The following MDGA2 variants were observed in gnomAD, a reference collection of about 807,000 sequenced individuals.
MDGA2 encodes MAM domain containing glycosylphosphatidylinositol anchor 2.
Under a neutral mutation model 117.8 loss-of-function variants are expected in MDGA2, and 40 were observed. That is an observed-to-expected ratio of 0.34 (90% CI 0.26 to 0.44). The LOEUF is 0.44. Among genes scored for constraint, MDGA2 ranks in the 20% least tolerant of loss-of-function variants. The probability of loss-of-function intolerance (pLI) is 1.00; values close to 1 mark genes in which losing one functional copy is unlikely to be tolerated. For synonymous variants in MDGA2, 452 were observed against 439.0 expected, an observed-to-expected ratio of 1.03 and a Z score of -0.37; for missense variants, 1,123 against 1,250.6, an observed-to-expected ratio of 0.90 and a Z score of 1.54.
chr14:46,947,637 C>G (rs898297271), intron 9 of MDGA2, among the ~76,000 whole-genome samples: 9 of 151,972 alleles, frequency 5.9e-5, no homozygotes, highest in Non-Finnish European at 1.3e-4. Context: ...CACAAGCTCC[C>G]TCTCTCTCTT....
chr14:47,411,064 T>A (rs1265610830), intron 1 of MDGA2, among the ~76,000 whole-genome samples: 1 of 152,120 alleles, frequency 6.6e-6, no homozygotes, highest in Non-Finnish European at 1.5e-5. Flanking sequence ...TTAATCTGTT[T>A]CCTATAGACA....
At chr14:46,916,082 G>A (rs2138497624) in intron 10 of MDGA2, among the ~76,000 whole-genome samples, 1 of 152,284 alleles carries the variant, frequency 6.6e-6, no homozygotes, top group East Asian at 1.9e-4. Context: ...ACTGGTCTGT[G>A]GTGGGACCCA....
At chr14:47,046,086 T>C (rs1889253769) in intron 7 of MDGA2, among the ~76,000 whole-genome samples, 1 of 151,308 alleles carries the variant, frequency 6.6e-6, no homozygotes, top group Non-Finnish European at 1.5e-5. Context: ...CACACCAACA[T>C]GGCACATGTA....
At chr14:47,547,307 T>C (rs537852790) in intron 1 of MDGA2, among the ~76,000 whole-genome samples, 66 of 152,322 alleles carry the variant, frequency 4.3e-4, no homozygotes, top group Non-Finnish European at 7.1e-4. Flanking sequence ...CATGCATTCA[T>C]TACAGGCTTT....
At chr14:47,504,350 C>T (rs1594890395) in intron 1 of MDGA2, among the ~76,000 whole-genome samples, 1 of 152,056 alleles carries the variant, frequency 6.6e-6, no homozygotes, top group African/African-American at 2.4e-5. Context: ...CTATAGGTGA[C>T]CAGTTTTGAT....
intron 3 of MDGA2, among the ~76,000 whole-genome samples, chr14:47,189,412 G>A (rs1006687430): frequency 2.6e-5 from 4 of 151,942 alleles, no homozygotes; most frequent in African/African-American, 7.3e-5. Flanking sequence ...CCACAGCCAC[G>A]GAATATAGTA....
chr14:46,913,324 T>G (rs1883776792), intron 10 of MDGA2, among the ~76,000 whole-genome samples: 1 of 152,150 alleles, frequency 6.6e-6, no homozygotes, highest in Admixed American at 6.5e-5. Context: ...GTCATTTTAT[T>G]CATGATTTAA....
chr14:47,045,656 AC>A (rs1463338477), intron 7 of MDGA2, among the ~76,000 whole-genome samples: 1 of 152,080 alleles, frequency 6.6e-6, no homozygotes, highest in African/African-American at 2.4e-5. Flanking sequence ...CAAAAGAAAC[AC>A]TGGATTTGCT....
chr14:47,138,590 T>C lies in MDGA2; in HGVS notation c.792+5488A>G, dbSNP rs555468783. ...AAAGAAATAAAAGGAAGACATACAA[T>C]GTATATTAGTTAGTGGCCCTTACCA... On this transcript the variant is annotated intron_variant, in intron 4 of 16. Coordinates refer to ENST00000399232, the MANE Select transcript of MDGA2 (RefSeq NM_001113498.3). 7.2e-5 allele frequency among the ~76,000 whole-genome samples: 11 copies of C among 152,200 alleles called. No individual in the cohort carries two copies. The South Asian group carries it at 2.1e-3, about 29-fold the overall frequency.
At chr14:47,078,685 G>A (rs1251409694) in intron 6 of MDGA2, among the ~76,000 whole-genome samples, 1 of 151,968 alleles carries the variant, frequency 6.6e-6, no homozygotes, top group Non-Finnish European at 1.5e-5. Flanking sequence ...TAAACTTTTG[G>A]AAAGAAAATG....
At chr14:47,219,505 C>A (rs1330990492) in intron 2 of MDGA2, among the ~76,000 whole-genome samples, 1 of 151,920 alleles carries the variant, frequency 6.6e-6, no homozygotes, top group East Asian at 1.9e-4. Flanking sequence ...TACTGACATA[C>A]CCATAAGAAG....
chr14:47,163,600 A>C (rs1210312153), intron 3 of MDGA2, among the ~76,000 whole-genome samples: 2 of 152,148 alleles, frequency 1.3e-5, no homozygotes, highest in Non-Finnish European at 2.9e-5. Context: ...GCCACATGGA[A>C]CTGTAAGTCC....
intron 1 of MDGA2, among the ~76,000 whole-genome samples, chr14:47,379,838 C>A (rs910592232): frequency 6.6e-6 from 1 of 152,096 alleles, no homozygotes; most frequent in Non-Finnish European, 1.5e-5. Flanking sequence ...ACAAGGATAT[C>A]CAGGAACTGA....
At chr14:46,871,463 T>C (rs1251443585) in intron 14 of MDGA2, 2 of 151,984 alleles carry the variant, frequency 1.3e-5, no homozygotes, top group African/African-American at 2.4e-5. Flanking sequence ...TATTTCAATT[T>C]TGTTATCTAT....
chr14:47,034,778 CTCTT>C (rs1361449266), intron 8 of MDGA2, among the ~76,000 whole-genome samples: 12 of 151,520 alleles, frequency 7.9e-5, no homozygotes, highest in South Asian at 4.2e-4. Flanking sequence ...ACTAAAACAA[CTCTT>C]TCTATTAGTG....
At chr14:47,223,892 A>G (rs1385027934) in intron 2 of MDGA2, among the ~76,000 whole-genome samples, 1 of 152,122 alleles carries the variant, frequency 6.6e-6, no homozygotes, top group Non-Finnish European at 1.5e-5. Flanking sequence ...GCGGCAGGAG[A>G]GAGAAGTGCC....
At chr14:47,580,512 A>G (rs531791341) in intron 1 of MDGA2, among the ~76,000 whole-genome samples, 40 of 152,142 alleles carry the variant, frequency 2.6e-4, no homozygotes, top group African/African-American at 8.7e-4. Flanking sequence ...AAATGTCACC[A>G]TATCAACAAG....
At chr14:47,005,307 T>C (rs1217683851) in intron 8 of MDGA2, among the ~76,000 whole-genome samples, 2 of 151,618 alleles carry the variant, frequency 1.3e-5, no homozygotes, top group Non-Finnish European at 3.0e-5. Context: ...GTTGTTGTTT[T>C]TGTTCTCCAG....
chr14:47,428,861 A>G (rs1256293830), intron 1 of MDGA2, among the ~76,000 whole-genome samples: 1 of 152,222 alleles, frequency 6.6e-6, no homozygotes, highest in East Asian at 1.9e-4. Context: ...TTAAGAACAA[A>G]ATTTTTGTAA....
Sources: allele counts gnomAD v4.1 joint callset (sites outside exome capture counted in the v4.1 genomes callset), GRCh38; gene constraint gnomAD v4.1.1; transcripts MANE v1.5; gene names NCBI Gene and HGNC (gene_info 2026-07-23, HGNC 2026-07-21).